CES5A: variants seen among roughly 807,000 people sequenced by gnomAD.
CES5A encodes the protein carboxylesterase 5.
In CES5A, 67 loss-of-function variants were observed where a neutral mutation model predicts 62.9. The ratio of observed to expected loss-of-function variants is 1.07; its 90% confidence interval spans 0.88 to 1.31. The LOEUF is 1.31. CES5A is among the 50% of genes most tolerant of loss of function. CES5A has a pLI of 0.00. For synonymous variants in CES5A, 296 were observed against 280.8 expected, an observed-to-expected ratio of 1.05 and a Z score of -0.54; for missense variants, 748 against 708.5, an observed-to-expected ratio of 1.06 and a Z score of -0.63.
chr16:55,949,757 C>A (rs1347845204), intron 2 of CES5A: 16 of 1,212,280 alleles, frequency 1.3e-5, no homozygotes, highest in South Asian at 3.1e-5. Context: ...CAGACCCAAC[C>A]CTGGTAAATT....
chr16:55,875,531 G>C (rs962092145), upstream of CES5A, among the ~76,000 whole-genome samples: 3 of 152,226 alleles, frequency 2.0e-5, no homozygotes, highest in Non-Finnish European at 4.4e-5. Context: ...GACATTTTAA[G>C]ATTATGAGTT....
intron 2 of CES5A, among the ~76,000 whole-genome samples, chr16:55,941,174 A>G (rs1319090345): frequency 6.6e-6 from 1 of 152,034 alleles, no homozygotes; most frequent in African/African-American, 2.4e-5. Flanking sequence ...AAAAGAATCA[A>G]AAGGCATACA....
chr16:55,887,281 G>C (rs551781422), intron 1 of CES5A, among the ~76,000 whole-genome samples: 1 of 151,498 alleles, frequency 6.6e-6, no homozygotes, highest in Non-Finnish European at 1.5e-5. Flanking sequence ...ATGCTTCCAC[G>C]GGTCAACAGT....
chr16:55,877,756 G>A (rs2033713920), upstream of CES5A, among the ~76,000 whole-genome samples: 1 of 152,108 alleles, frequency 6.6e-6, no homozygotes, highest in Non-Finnish European at 1.5e-5. Context: ...CTAATTTAAT[G>A]TGATTAGTCT....
At chr16:55,867,050 A>G (rs1218481823) in intron 4 of CES5A, among the ~76,000 whole-genome samples, 5 of 152,046 alleles carry the variant, frequency 3.3e-5, no homozygotes, top group African/African-American at 4.8e-5. Flanking sequence ...TCTAGGAATG[A>G]CATCACCCAG....
Position 55,852,990 on chromosome 16 carries a change from T to C in CES5A, c.1164A>G (p.Glu388=), listed in dbSNP as rs757169817. The C allele has an allele frequency of 6.2e-7, 1 of 1,614,140 alleles. No homozygotes were observed. The highest frequency in any genetic ancestry group is 8.5e-7 in the Non-Finnish European group (1 of 1,180,010). ...PPQYLHLVAN[E]YFHDKHSLTE... is the part of the protein sequence containing the mutation. ...TCAGGGAGTGCTTGTCATGGAAGTATTCATTAGCCACAAGGTGCAAATACT... is the reference window on the plus strand; with the variant it reads ...TCAGGGAGTGCTTGTCATGGAAGTACTCATTAGCCACAAGGTGCAAATACT... The change falls in exon 10 of 13, where the codon GAA becomes GAG. Residue 388 remains glutamate, a synonymous_variant. Coordinates refer to ENST00000290567, the MANE Select transcript of CES5A (RefSeq NM_001143685.2).
intron 1 of CES5A, among the ~76,000 whole-genome samples, chr16:55,887,165 A>G (rs766541891): frequency 3.9e-5 from 6 of 152,042 alleles, no homozygotes; most frequent in Non-Finnish European, 8.8e-5. Flanking sequence ...TGAAAGAAAT[A>G]TTGACCCCTG....
chr16:55,854,531 C>CTTTTTTTTTTCTTTTTTTT (rs1555479324), intron 9 of CES5A, among the ~76,000 whole-genome samples: 2 of 52,164 alleles, frequency 3.8e-5, no homozygotes, highest in South Asian at 8.9e-4. Flanking sequence ...TGTAGTGTTT[C>CTTTTTTTTTTCTTTTTTTT]TTTTTTTTTT....
chr16:55,877,806 A>C (rs1265018326), upstream of CES5A, among the ~76,000 whole-genome samples: 1 of 152,168 alleles, frequency 6.6e-6, no homozygotes, highest in African/African-American at 2.4e-5. Flanking sequence ...GCAAGGTAGG[A>C]TTACTGGTCC....
chr16:55,938,815 TACACACAC>T (rs1217964818), intron 2 of CES5A, among the ~76,000 whole-genome samples: 87 of 100,180 alleles, frequency 8.7e-4, no homozygotes, highest in African/African-American at 2.8e-3. Context: ...TATATATATA[TACACACAC>T]ATATATATAT....
rs142977945 is a variant in CES5A at position 55,953,378 on chromosome 16, C to T, written c.42+2466G>A. Among the ~76,000 whole-genome samples the T allele has an allele frequency of 1.8e-3, 276 of 152,086 alleles. 2 individuals carry two copies. The highest frequency in any genetic ancestry group is 6.4e-3 in the African/African-American group (264 of 41,492). On this transcript the variant is annotated intron_variant, in intron 1 of 13. Coordinates refer to the CES5A transcript ENST00000521992. ...AAATGTAACTCTGAAGAGAAAGAGA[C>T]AAAACTGTTAGTATATGCAGTCAGT...
chr16:55,879,375 G>A (rs181923330), upstream of CES5A, among the ~76,000 whole-genome samples: 81 of 150,738 alleles, frequency 5.4e-4, no homozygotes, highest in African/African-American at 1.2e-3. Flanking sequence ...CCATTACTGC[G>A]CCCTACCACT....
chr16:55,890,471 G>T (rs1244479753), intron 1 of CES5A, among the ~76,000 whole-genome samples: 1 of 151,810 alleles, frequency 6.6e-6, no homozygotes, highest in Non-Finnish European at 1.5e-5. Flanking sequence ...TGAAAATCTT[G>T]CAGGAACTCT....
At chr16:55,901,627 G>A (rs1420859467) in intron 1 of CES5A, among the ~76,000 whole-genome samples, 2 of 152,110 alleles carry the variant, frequency 1.3e-5, no homozygotes, top group Non-Finnish European at 2.9e-5. Context: ...ATTTATCGAG[G>A]GCGGCATTTA....
chr16:55,949,785 C>T (rs1039371832), exon 2 of CES5A: 45 of 1,442,044 alleles, frequency 3.1e-5, no homozygotes, highest in Non-Finnish European at 4.0e-5. Flanking sequence ...AACAACTCAC[C>T]CTCATCTTTG....
chr16:55,913,861 T>C (rs1322383986), intron 1 of CES5A, among the ~76,000 whole-genome samples: 2 of 152,142 alleles, frequency 1.3e-5, no homozygotes. Context: ...TGCCAGGCCT[T>C]GGAGATACAG....
chr16:55,847,584 A>G (rs2033041817), intron 11 of CES5A, among the ~76,000 whole-genome samples: 1 of 152,162 alleles, frequency 6.6e-6, no homozygotes, highest in Non-Finnish European at 1.5e-5. Flanking sequence ...CTCTGCAGGT[A>G]CCAGGGTATA....
At chr16:55,870,811 A>G (rs1166143551) in intron 3 of CES5A, among the ~76,000 whole-genome samples, 1 of 152,222 alleles carries the variant, frequency 6.6e-6, no homozygotes, top group Non-Finnish European at 1.5e-5. Flanking sequence ...AATCCCTTCC[A>G]TTCTCTTTCT....
chr16:55,925,869 A>G (rs1416264892), upstream of CES5A, among the ~76,000 whole-genome samples: 2 of 152,164 alleles, frequency 1.3e-5, no homozygotes, highest in Non-Finnish European at 2.9e-5. Context: ...ATAGGAGAAA[A>G]TATTTCCAAA....
Sources: allele counts gnomAD v4.1 joint callset (sites outside exome capture counted in the v4.1 genomes callset), GRCh38; gene constraint gnomAD v4.1.1; transcripts MANE v1.5; gene names NCBI Gene and HGNC (gene_info 2026-07-23, HGNC 2026-07-21).